ANOS1: variants seen among roughly 807,000 people sequenced by gnomAD.
ANOS1 encodes the protein anosmin-1.
A neutral mutation model predicts 59.0 loss-of-function variants in ANOS1; 6 were observed. That is an observed-to-expected ratio of 0.10 (90% CI 0.06 to 0.20). The LOEUF is 0.20. Among genes scored for constraint, ANOS1 ranks in the 10% least tolerant of loss-of-function variants. The pLI is 1.00. For missense variants in ANOS1, 433 were observed against 542.3 expected (o/e 0.80, Z 2.00); for synonymous variants, 217 against 223.4 (o/e 0.97, Z 0.25).
chrX:8,667,327 G>A (rs1257660337), intron 2 of ANOS1, among the ~76,000 whole-genome samples: 2 of 109,527 alleles, frequency 1.8e-5, no homozygotes, highest in Non-Finnish European at 3.8e-5. Flanking sequence ...ATGGGGGTGG[G>A]GAGTTGGTTG....
At chrX:8,539,264 T>C (rs908764644) in intron 10 of ANOS1, among the ~76,000 whole-genome samples, 2 of 111,143 alleles carry the variant, frequency 1.8e-5, no homozygotes, top group Non-Finnish European at 3.8e-5. Context: ...TGCTCAATGA[T>C]AGAGTCACAT....
intron 2 of ANOS1, among the ~76,000 whole-genome samples, chrX:8,675,936 C>T (rs1229955703): frequency 9.7e-6 from 1 of 102,894 alleles, no homozygotes; most frequent in African/African-American, 3.6e-5. Flanking sequence ...TCAGCTCCCA[C>T]TTATGACTGA....
intron 10 of ANOS1, among the ~76,000 whole-genome samples, chrX:8,538,120 A>ACCAACCCAAGC (rs1173395726): frequency 9.0e-6 from 1 of 110,938 alleles, no homozygotes; most frequent in African/African-American, 3.3e-5. Context: ...ACAACGCAAG[A>ACCAACCCAAGC]CCAACCCAAG....
intron 2 of ANOS1, among the ~76,000 whole-genome samples, chrX:8,650,795 T>C (rs1931839089): frequency 8.9e-6 from 1 of 112,084 alleles, no homozygotes; most frequent in South Asian, 3.7e-4. Context: ...CACTGCTGAA[T>C]CAAAGTCAAA....
chrX:8,680,162 C>CAAAA (rs754341783), intron 2 of ANOS1, among the ~76,000 whole-genome samples: 18 of 28,328 alleles, frequency 6.4e-4, no homozygotes, highest in African/African-American at 9.7e-4. Context: ...GAGACTCCAT[C>CAAAA]AAAAAAAAAA....
At position 8,530,368 on chromosome X, in the gene ANOS1, C is replaced by A. The variant is rs1395574725; in HGVS notation, c.*2627G>T. Reference sequence around the variant, plus strand: ...ATAAAACATATTACAGAATTAGGCACCAAAACTATGTTTGTTAAAAAGCAT... The same window carrying A: ...ATAAAACATATTACAGAATTAGGCAACAAAACTATGTTTGTTAAAAAGCAT... On this transcript the variant is annotated 3_prime_UTR_variant, in exon 14 of 14. Coordinates refer to ENST00000262648, the MANE Select transcript of ANOS1 (RefSeq NM_000216.4). 1.4e-4 allele frequency: 16 copies of A among 111,514 alleles called. No individual in the cohort carries two copies. In the Admixed American group the frequency reaches 1.5e-3, roughly 11 times the overall value. 9.2% of individuals were successfully genotyped at this position (111,514 alleles called of 1,213,427 possible).
chrX:8,540,520 G>A (rs1929665852), intron 9 of ANOS1, among the ~76,000 whole-genome samples: 1 of 111,110 alleles, frequency 9.0e-6, no homozygotes, highest in Admixed American at 9.6e-5. Context: ...ATAAAGTGGG[G>A]GGAAAAAAGA....
At chrX:8,557,424 T>G (rs1355989569) in intron 8 of ANOS1, among the ~76,000 whole-genome samples, 16 of 111,581 alleles carry the variant, frequency 1.4e-4, no homozygotes, top group African/African-American at 5.2e-4. Flanking sequence ...AATCTATCCA[T>G]CTGTCAAAGG....
chrX:8,530,250 G>C lies in ANOS1; in HGVS notation c.*2745C>G, dbSNP rs1929475887. 9.0e-6 allele frequency: 1 copy of C among 111,698 alleles called. No individual in the cohort carries two copies. Among genetic ancestry groups the C allele is most frequent in the Non-Finnish European group, 1.9e-5 (1 of 53,099 alleles). 9.2% of individuals were successfully genotyped at this position (111,698 alleles called of 1,213,427 possible). On this transcript the variant is annotated 3_prime_UTR_variant, in exon 14 of 14. Transcript: ENST00000262648. ...TATGTCAGATTAACCACCTGTATTT[G>C]ATGACAATATTTTTGATGAGCTCAA... is the stretch of plus-strand genomic sequence containing the variant.
intron 8 of ANOS1, chrX:8,565,848 A>G (rs1037388901): frequency 7.9e-5 from 13 of 163,541 alleles, no homozygotes; most frequent in Non-Finnish European, 1.2e-4. Flanking sequence ...AAGCCATCCA[A>G]GGGGAGGTGC....
At chrX:8,667,183 A>G (rs1486560083) in intron 2 of ANOS1, among the ~76,000 whole-genome samples, 1 of 111,731 alleles carries the variant, frequency 9.0e-6, no homozygotes, top group Non-Finnish European at 1.9e-5. Context: ...ACAACATTCA[A>G]GTCTAAAAAG....
chrX:8,612,236 A>G (rs1286234037), intron 3 of ANOS1, among the ~76,000 whole-genome samples: 2 of 112,096 alleles, frequency 1.8e-5, no homozygotes, highest in Non-Finnish European at 3.8e-5. Flanking sequence ...TACAAAATAA[A>G]CCATACACTC....
intron 1 of ANOS1, among the ~76,000 whole-genome samples, chrX:8,712,327 T>C (rs773365906): frequency 6.9e-4 from 78 of 112,291 alleles, no homozygotes; most frequent in African/African-American, 2.4e-3. Flanking sequence ...TCCTCCAGAA[T>C]GACTCATCTC....
At chrX:8,713,792 T>A (rs1294729862) in intron 1 of ANOS1, among the ~76,000 whole-genome samples, 1 of 110,167 alleles carries the variant, frequency 9.1e-6, no homozygotes, top group Non-Finnish European at 1.9e-5. Context: ...TTTGTATTTT[T>A]AGTAGAGACG....
At chrX:8,707,530 A>G (rs1257912053) in intron 1 of ANOS1, among the ~76,000 whole-genome samples, 2 of 112,019 alleles carry the variant, frequency 1.8e-5, no homozygotes, top group East Asian at 5.6e-4. Context: ...TTATCTTTTT[A>G]TAGGGTGTAG....
At chrX:8,695,923 C>A (rs1032604972) in intron 2 of ANOS1, among the ~76,000 whole-genome samples, 1 of 111,872 alleles carries the variant, frequency 8.9e-6, no homozygotes, top group Non-Finnish European at 1.9e-5. Context: ...AAGTCACCCA[C>A]CTTTTCTGAG....
chrX:8,639,974 C>T (rs750295040), intron 2 of ANOS1, among the ~76,000 whole-genome samples: 9 of 110,925 alleles, frequency 8.1e-5, no homozygotes, highest in Admixed American at 1.9e-4. Flanking sequence ...CAACAAAATG[C>T]TCTTGTGCCC....
In ANOS1 at chrX:8,596,938, T is replaced by C; in HGVS notation, c.541+96A>G. The C allele has an allele frequency of 2.6e-6, 3 of 1,161,151 alleles. No individual in the cohort carries two copies. In the South Asian group the frequency reaches 5.7e-5, roughly 22 times the overall value. ...AATTTTCTAAAGATTTTATGTTTTT[T>C]AGACTTTTCACACCTATGATGGACA... On this transcript the variant is annotated intron_variant, in intron 4 of 13. Transcript: ENST00000262648.
intron 1 of ANOS1, among the ~76,000 whole-genome samples, chrX:8,729,788 A>C (rs1333440979): frequency 1.9e-5 from 2 of 107,736 alleles, no homozygotes; most frequent in African/African-American, 6.8e-5. Context: ...TATAAGGAGA[A>C]TGTGTTGCTG....
Sources: allele counts gnomAD v4.1 joint callset (sites outside exome capture counted in the v4.1 genomes callset), GRCh38; gene constraint gnomAD v4.1.1; transcripts MANE v1.5; gene names NCBI Gene and HGNC (gene_info 2026-07-23, HGNC 2026-07-21).